Variants in LRFN2 observed in about 807,000 individuals in gnomAD.
LRFN2 encodes the protein leucine-rich repeat and fibronectin type-III domain-containing protein 2.
LRFN2 carries 18 observed loss-of-function variants against 37.3 expected under a neutral mutation model. The ratio of observed to expected loss-of-function variants is 0.48; its 90% CI spans 0.33 to 0.72. The LOEUF is 0.72. Among genes scored for constraint, LRFN2 ranks in the 30% least tolerant of loss-of-function variants. LRFN2 has a pLI of 0.02. For missense variants in LRFN2, 1,006 were observed against 1,060.7 expected (o/e 0.95, Z 0.72); for synonymous variants, 556 against 466.6 (o/e 1.19, Z -2.47).
chr6:40,494,326 G>T (rs1168160688), intron 1 of LRFN2, among the ~76,000 whole-genome samples: 1 of 152,154 alleles, frequency 6.6e-6, no homozygotes, highest in Non-Finnish European at 1.5e-5. Context: ...CCTCTCAAAG[G>T]CTGCTCAGGG....
At chr6:40,464,402 G>T (rs1263603814) in intron 1 of LRFN2, among the ~76,000 whole-genome samples, 1 of 152,196 alleles carries the variant, frequency 6.6e-6, no homozygotes, top group Non-Finnish European at 1.5e-5. Flanking sequence ...ATGAATTAAT[G>T]CTGTTATGGT....
chr6:40,572,282 C>T (rs1442041086), intron 1 of LRFN2, among the ~76,000 whole-genome samples: 1 of 152,098 alleles, frequency 6.6e-6, no homozygotes, highest in Non-Finnish European at 1.5e-5. Flanking sequence ...AAAACAGTGC[C>T]CAGCATGTAG....
At chr6:40,420,046 G>A (rs1178570538) in intron 2 of LRFN2, among the ~76,000 whole-genome samples, 1 of 152,138 alleles carries the variant, frequency 6.6e-6, no homozygotes, top group African/African-American at 2.4e-5. Flanking sequence ...AATGCAATCG[G>A]AGTTCATTCG....
At chr6:40,561,912 A>G (rs1185135376) in intron 1 of LRFN2, among the ~76,000 whole-genome samples, 1 of 152,046 alleles carries the variant, frequency 6.6e-6, no homozygotes, top group African/African-American at 2.4e-5. Flanking sequence ...CCCCTCCACC[A>G]TGATGACCAG....
intron 1 of LRFN2, among the ~76,000 whole-genome samples, chr6:40,445,465 A>G (rs1763948225): frequency 6.6e-6 from 1 of 152,206 alleles, no homozygotes; most frequent in Non-Finnish European, 1.5e-5. Context: ...AACTAGGGCA[A>G]GGGAACTTTT....
chr6:40,568,417 C>T (rs1014138900), intron 1 of LRFN2, among the ~76,000 whole-genome samples: 6 of 152,166 alleles, frequency 3.9e-5, no homozygotes, highest in South Asian at 4.1e-4. Context: ...GACTCTTAGA[C>T]GGTTCTCAGG....
intron 1 of LRFN2, among the ~76,000 whole-genome samples, chr6:40,555,546 C>A (rs1260688132): frequency 6.6e-6 from 1 of 152,194 alleles, no homozygotes; most frequent in South Asian, 2.1e-4. Context: ...TCCTCACATG[C>A]CACTGCTCCA....
At chr6:40,434,445 T>C (rs553037720) in intron 1 of LRFN2, among the ~76,000 whole-genome samples, 1 of 152,304 alleles carries the variant, frequency 6.6e-6, no homozygotes, top group Non-Finnish European at 1.5e-5. Context: ...TGTGTAGCAT[T>C]ATGCAGACCA....
At chr6:40,558,936 C>T (rs778063070) in intron 1 of LRFN2, among the ~76,000 whole-genome samples, 101 of 152,148 alleles carry the variant, frequency 6.6e-4, no homozygotes, top group Non-Finnish European at 1.2e-3. Context: ...GAGAGTAGCA[C>T]GCACACTCAC....
intron 2 of LRFN2, among the ~76,000 whole-genome samples, chr6:40,429,940 G>A (rs1466109319): frequency 6.6e-6 from 1 of 152,182 alleles, no homozygotes; most frequent in African/African-American, 2.4e-5. Flanking sequence ...CCATTTGAAT[G>A]AACTCAGACA....
At chr6:40,572,761 T>A (rs923062203) in intron 1 of LRFN2, among the ~76,000 whole-genome samples, 3 of 152,174 alleles carry the variant, frequency 2.0e-5, no homozygotes, top group Non-Finnish European at 4.4e-5. Flanking sequence ...CCCCAGCTAG[T>A]GGAAGGAGTG....
intron 2 of LRFN2, among the ~76,000 whole-genome samples, chr6:40,412,969 G>A (rs1475684673): frequency 6.6e-6 from 1 of 152,158 alleles, no homozygotes; most frequent in African/African-American, 2.4e-5. Context: ...TGAGGTGAGG[G>A]AGATCTTACA....
intron 1 of LRFN2, among the ~76,000 whole-genome samples, chr6:40,512,582 A>G (rs1210639881): frequency 1.3e-5 from 2 of 152,202 alleles, no homozygotes; most frequent in Non-Finnish European, 2.9e-5. Context: ...CAGGAGCCAC[A>G]TTTTGGGCCT....
rs140953588 is a variant in LRFN2 at position 40,486,184 on chromosome 6, G to A, written c.-18-53053C>T. ...AAGTCTAGAAGGCCCTCAAGTCAAA[G>A]ATGCAGGTGTGGGCAGTGGGCAGTG... On this transcript the variant is annotated intron_variant, in intron 1 of 2. Transcript: ENST00000338305. 4.9e-4 allele frequency among the ~76,000 whole-genome samples: 74 copies of A among 152,348 alleles called. No individual in the cohort carries two copies. The East Asian group carries it at 5.2e-3, about 11-fold the overall frequency.
intron 1 of LRFN2, among the ~76,000 whole-genome samples, chr6:40,433,964 C>T (rs1440195994): frequency 6.6e-6 from 1 of 152,178 alleles, no homozygotes; most frequent in East Asian, 1.9e-4. Context: ...GCCTCAGAGC[C>T]TCCTTTGGAT....
chr6:40,576,609 C>T (rs1767283053), intron 1 of LRFN2, among the ~76,000 whole-genome samples: 1 of 152,112 alleles, frequency 6.6e-6, no homozygotes, highest in South Asian at 2.1e-4. Flanking sequence ...ATCCTGGAGC[C>T]GCAGGTACCT....
intron 1 of LRFN2, among the ~76,000 whole-genome samples, chr6:40,465,630 G>A (rs1035714191): frequency 2.0e-5 from 3 of 152,108 alleles, no homozygotes; most frequent in African/African-American, 7.2e-5. Context: ...CAAAAACCTG[G>A]GCTCTCCTGA....
chr6:40,582,459 A>G (rs1436665295), intron 1 of LRFN2, among the ~76,000 whole-genome samples: 2 of 152,032 alleles, frequency 1.3e-5, no homozygotes, highest in Non-Finnish European at 2.9e-5. Flanking sequence ...GATAAATTAC[A>G]AGAACACAGT....
chr6:40,450,120 C>T (rs915710002), intron 1 of LRFN2, among the ~76,000 whole-genome samples: 2 of 152,186 alleles, frequency 1.3e-5, no homozygotes, highest in East Asian at 1.9e-4. Flanking sequence ...CACAGGACTA[C>T]GAAGTCATCT....
Sources: allele counts gnomAD v4.1 joint callset (sites outside exome capture counted in the v4.1 genomes callset), GRCh38; gene constraint gnomAD v4.1.1; transcripts MANE v1.5; gene names NCBI Gene and HGNC (gene_info 2026-07-23, HGNC 2026-07-21).